BMPR1A: variants seen among roughly 807,000 people sequenced by gnomAD.
BMPR1A encodes bone morphogenetic protein receptor type-1A.
A neutral mutation model predicts 66.0 loss-of-function variants in BMPR1A; 7 were observed. The ratio of observed to expected loss-of-function variants is 0.11; its 90% confidence interval spans 0.06 to 0.20. BMPR1A has a LOEUF of 0.20. Among genes scored for constraint, BMPR1A ranks in the 10% least tolerant of loss-of-function variants. The probability of loss-of-function intolerance (pLI) is 1.00; values close to 1 mark genes in which losing one functional copy is unlikely to be tolerated. For missense variants in BMPR1A, 408 were observed against 669.1 expected (o/e 0.61, Z 4.31); for synonymous variants, 200 against 229.7 (o/e 0.87, Z 1.17).
At chr10:86,803,933 GTCT>G (rs1214760363) in intron 1 of BMPR1A, among the ~76,000 whole-genome samples, 4 of 152,174 alleles carry the variant, frequency 2.6e-5, no homozygotes, top group African/African-American at 7.2e-5. Flanking sequence ...TCTTTCACAA[GTCT>G]TCTTTTTTGA....
intron 1 of BMPR1A, among the ~76,000 whole-genome samples, chr10:86,764,870 A>C (rs1475440025): frequency 6.6e-6 from 1 of 152,218 alleles, no homozygotes; most frequent in African/African-American, 2.4e-5. Flanking sequence ...ATGCTTTTAA[A>C]ATATTGGTTA....
At chr10:86,852,009 A>G (rs1000621428) in intron 2 of BMPR1A, among the ~76,000 whole-genome samples, 1 of 152,150 alleles carries the variant, frequency 6.6e-6, no homozygotes, top group Non-Finnish European at 1.5e-5. Context: ...GCTTGAGCCC[A>G]GGAGCTGGAA....
At chr10:86,779,944 C>T (rs137940212) in intron 1 of BMPR1A, among the ~76,000 whole-genome samples, 2 of 152,126 alleles carry the variant, frequency 1.3e-5, no homozygotes, top group Admixed American at 6.6e-5. Flanking sequence ...ATCTCCTTGT[C>T]ACCCAGGCCA....
intron 1 of BMPR1A, among the ~76,000 whole-genome samples, chr10:86,815,910 A>G (rs1485337201): frequency 6.6e-6 from 1 of 152,194 alleles, no homozygotes; most frequent in Non-Finnish European, 1.5e-5. Context: ...GCATAGTGAA[A>G]AGCCCATGAA....
intron 1 of BMPR1A, among the ~76,000 whole-genome samples, chr10:86,811,239 A>G (rs1335107084): frequency 2.0e-5 from 3 of 152,002 alleles, no homozygotes; most frequent in Admixed American, 6.5e-5. Flanking sequence ...GAGTTTTGCC[A>G]TGTTCCTCAG....
chr10:86,759,198 G>C (rs369385426), intron 1 of BMPR1A, among the ~76,000 whole-genome samples: 1 of 152,276 alleles, frequency 6.6e-6, no homozygotes, highest in East Asian at 1.9e-4. Context: ...TAGATGAAGA[G>C]GGGCCTTTTG....
rs1488597501 is a variant in BMPR1A at position 86,870,002 on chromosome 10, G to T, written c.-152-5865G>T. 2.0e-5 allele frequency among the ~76,000 whole-genome samples: 3 copies of T among 152,110 alleles called. No homozygotes were observed. The East Asian group carries it at 5.8e-4, about 29-fold the overall frequency. On this transcript the variant is annotated intron_variant, in intron 2 of 12. Transcript: ENST00000372037. Reference sequence around the variant, plus strand: ...AAAATCACACAGCAAATAAATACTGGAGCTGATTTTTAAAAATTATTTATA... The same window carrying T: ...AAAATCACACAGCAAATAAATACTGTAGCTGATTTTTAAAAATTATTTATA...
chr10:86,824,081 T>TTTTG (rs1842157926), intron 1 of BMPR1A, among the ~76,000 whole-genome samples: 1 of 94,036 alleles, frequency 1.1e-5, no homozygotes, highest in Non-Finnish European at 2.6e-5. Context: ...TTACCAAGGG[T>TTTTG]TGTGTGTGTG....
At chr10:86,869,555 G>A (rs1258446651) in intron 2 of BMPR1A, among the ~76,000 whole-genome samples, 4 of 151,070 alleles carry the variant, frequency 2.6e-5, no homozygotes, top group African/African-American at 9.7e-5. Flanking sequence ...TTGGGAGTTC[G>A]AGACCAGCCT....
chr10:86,757,979 C>T (rs1348021377), intron 1 of BMPR1A, among the ~76,000 whole-genome samples: 2 of 152,202 alleles, frequency 1.3e-5, no homozygotes, highest in Non-Finnish European at 2.9e-5. Context: ...TTGAAAACAA[C>T]TACTTTATTG....
intron 1 of BMPR1A, among the ~76,000 whole-genome samples, chr10:86,782,266 T>C (rs1841448657): frequency 6.6e-6 from 1 of 152,208 alleles, no homozygotes; most frequent in South Asian, 2.1e-4. Flanking sequence ...GTTTTGGCTA[T>C]TGTAGTGAAT....
chr10:86,823,353 A>G (rs1842146732), intron 1 of BMPR1A, among the ~76,000 whole-genome samples: 1 of 152,206 alleles, frequency 6.6e-6, no homozygotes, highest in Non-Finnish European at 1.5e-5. Flanking sequence ...CCATACCTAT[A>G]TTAACTCCTT....
At chr10:86,843,291 C>G (rs1265400939) in intron 2 of BMPR1A, 1 of 152,070 alleles carries the variant, frequency 6.6e-6, no homozygotes, top group Non-Finnish European at 1.5e-5. Flanking sequence ...CTTTAAAAAC[C>G]CCATCTCAAA....
chr10:86,903,674 C>T (rs1198761980), intron 7 of BMPR1A, among the ~76,000 whole-genome samples: 2 of 151,830 alleles, frequency 1.3e-5, no homozygotes, highest in African/African-American at 2.4e-5. Flanking sequence ...TGCAGTGGCA[C>T]GATCTCCGCT....
intron 1 of BMPR1A, among the ~76,000 whole-genome samples, chr10:86,784,408 AT>A (rs539760722): frequency 1.1e-3 from 163 of 152,158 alleles, no homozygotes; most frequent in African/African-American, 3.8e-3. Context: ...ACATTTACTG[AT>A]TTTTGTGTGT....
Position 86,876,147 on chromosome 10 carries a change from T to C in BMPR1A, c.67+62T>C, listed in dbSNP as rs375012648. The C allele has an allele frequency of 9.9e-4, 1,475 of 1,486,482 alleles. 7 individuals are homozygous for C. The highest frequency in any genetic ancestry group is 6.4e-3 in the Middle Eastern group (37 of 5,806). 92.1% of individuals were successfully genotyped at this position (1,486,482 alleles called of 1,614,324 possible). A position where few individuals can be genotyped will look rare whatever the true frequency, so the allele number is the denominator to read the frequency against. ...TATAAAAAGCACTATTTCTTGCTTC[T>C]GTTCTTTCAACTCATCCCTGTTTGA... On this transcript the variant is annotated intron_variant, in intron 3 of 12. Coordinates refer to ENST00000372037, the MANE Select transcript of BMPR1A (RefSeq NM_004329.3).
chr10:86,767,061 A>G (rs1841176464), intron 1 of BMPR1A, among the ~76,000 whole-genome samples: 2 of 152,084 alleles, frequency 1.3e-5, no homozygotes, highest in African/African-American at 2.4e-5. Flanking sequence ...TGACCTCGTG[A>G]TCCGCCCGCC....
chr10:86,792,471 A>G (rs967170723), intron 1 of BMPR1A, among the ~76,000 whole-genome samples: 5 of 152,156 alleles, frequency 3.3e-5, no homozygotes, highest in African/African-American at 4.8e-5. Context: ...AAGCTTCTTT[A>G]TGGTCAGGAA....
At position 86,899,808 on chromosome 10, in the gene BMPR1A, C is replaced by G; in HGVS notation, c.348C>G (p.Ala116=). The part of the protein sequence containing the change: ...SDFQCKDSPK[A]QLRRTIECCR... ...TCTTCTTTTAGGATTCTCCAAAAGC[C>G]CAGCTACGCCGGACAATAGAATGTT... The change falls in exon 6 of 13, where the codon GCC becomes GCG. Residue 116 remains alanine (A), a synonymous_variant. Coordinates refer to ENST00000372037, the MANE Select transcript of BMPR1A (RefSeq NM_004329.3). The G allele has an allele frequency of 6.2e-7, 1 of 1,614,002 alleles. No individual in the cohort carries two copies. Among genetic ancestry groups the G allele is most frequent in the Non-Finnish European group, 8.5e-7 (1 of 1,179,930 alleles).
Sources: allele counts gnomAD v4.1 joint callset (sites outside exome capture counted in the v4.1 genomes callset), GRCh38; gene constraint gnomAD v4.1.1; transcripts MANE v1.5; gene names NCBI Gene and HGNC (gene_info 2026-07-23, HGNC 2026-07-21).